PLCL2: variants seen among roughly 807,000 people sequenced by gnomAD.
The protein encoded by PLCL2 is inactive phospholipase C-like protein 2.
Under a neutral mutation model 79.6 loss-of-function variants are expected in PLCL2, and 4 were observed. The observed-to-expected ratio is 0.05, with a 90% confidence interval of 0.02 to 0.11. The LOEUF (loss-of-function observed/expected upper bound fraction) is 0.11, where lower values mean the gene tolerates loss of function less well. PLCL2 is among the 10% of genes least tolerant of loss of function. The pLI is 1.00. For synonymous variants in PLCL2, 484 were observed against 457.7 expected (o/e 1.06, Z -0.73); for missense variants, 895 against 1,291.0 (o/e 0.69, Z 4.70).
At chr3:16,938,263 A>G (rs17042909) in intron 1 of PLCL2, among the ~76,000 whole-genome samples, 28,483 of 152,178 alleles carry the variant, frequency 0.19, 3,113 homozygotes, top group East Asian at 0.53. Context: ...GTGTGTAAAT[A>G]CCTTGTAATG....
chr3:16,956,511 C>T (rs977190883), intron 1 of PLCL2, among the ~76,000 whole-genome samples: 1 of 152,096 alleles, frequency 6.6e-6, no homozygotes, highest in African/African-American at 2.4e-5. Context: ...GTGTCTCTGC[C>T]AGGCTTTGGT....
intron 1 of PLCL2, among the ~76,000 whole-genome samples, chr3:16,995,074 T>C (rs2064140297): frequency 6.6e-6 from 1 of 152,166 alleles, no homozygotes; most frequent in Non-Finnish European, 1.5e-5. Context: ...GGTCACATTG[T>C]CCTCCCCACA....
At chr3:17,042,757 T>C in intron 3 of PLCL2, 117 bp from the exon 4 acceptor site, 1 of 698,118 alleles carries the variant, frequency 1.4e-6, no homozygotes, top group Non-Finnish European at 2.6e-6. Flanking sequence ...GAAAGTCAGA[T>C]AAAAAAGCGT....
chr3:16,904,751 G>A (rs1696712783), intron 1 of PLCL2, among the ~76,000 whole-genome samples: 1 of 151,862 alleles, frequency 6.6e-6, no homozygotes, highest in African/African-American at 2.4e-5. Context: ...GAATCATGGG[G>A]GCGGTTACCT....
intron 4 of PLCL2, among the ~76,000 whole-genome samples, chr3:17,043,768 T>C (rs1267418878): frequency 6.6e-6 from 1 of 152,188 alleles, no homozygotes; most frequent in African/African-American, 2.4e-5. Context: ...GATAAGGATA[T>C]GTGTGACATT....
chr3:16,984,116 T>G lies in PLCL2; in HGVS notation c.328-25558T>G, dbSNP rs544955113. Among the ~76,000 whole-genome samples the G allele has an allele frequency of 5.1e-4, 77 of 151,732 alleles. 2 individuals are homozygous for G. Among genetic ancestry groups the G allele is most frequent in the African/African-American group, 1.8e-3 (76 of 41,104 alleles). On this transcript the variant is annotated intron_variant, in intron 1 of 5. Coordinates refer to ENST00000615277, the MANE Select transcript of PLCL2 (RefSeq NM_001144382.2). ...TGGTTCATGAACGCGTGGAGGGTATTTCTTTACTAATATGCAAAGCTTAAA... is the reference window on the plus strand; with the variant it reads ...TGGTTCATGAACGCGTGGAGGGTATGTCTTTACTAATATGCAAAGCTTAAA...
intron 1 of PLCL2, among the ~76,000 whole-genome samples, chr3:16,940,229 A>G (rs188212912): frequency 6.6e-6 from 1 of 152,300 alleles, no homozygotes; most frequent in East Asian, 1.9e-4. Context: ...CTTCTTCAAA[A>G]AACTTTCACT....
intron 3 of PLCL2, among the ~76,000 whole-genome samples, chr3:17,023,375 CTTGAA>C (rs2064477245): frequency 6.6e-6 from 1 of 152,194 alleles, no homozygotes; most frequent in African/African-American, 2.4e-5. Flanking sequence ...CAAATCTCAA[CTTGAA>C]TTGTATCTCC....
At chr3:16,911,476 T>C (rs1425452814) in intron 1 of PLCL2, among the ~76,000 whole-genome samples, 2 of 152,192 alleles carry the variant, frequency 1.3e-5, no homozygotes, top group Non-Finnish European at 2.9e-5. Flanking sequence ...TTTACTTAGT[T>C]TGTCTCCCTA....
chr3:16,945,203 C>T (rs2063588982), intron 1 of PLCL2, among the ~76,000 whole-genome samples: 1 of 151,538 alleles, frequency 6.6e-6, no homozygotes, highest in Non-Finnish European at 1.5e-5. Context: ...CAAGGCTTTA[C>T]CCTATCACCT....
At chr3:16,946,953 CT>C (rs1056023349) in intron 1 of PLCL2, among the ~76,000 whole-genome samples, 40 of 95,402 alleles carry the variant, frequency 4.2e-4, no homozygotes, top group South Asian at 1.1e-3. Context: ...AAGTTTCATT[CT>C]TTTTTTTTTT....
chr3:16,968,037 T>A lies in PLCL2; in HGVS notation c.328-41637T>A, dbSNP rs1352226537. Among the ~76,000 whole-genome samples, 12 of 152,202 alleles carry A rather than the reference T, an allele frequency of 7.9e-5. No individual in the cohort carries two copies. The East Asian group carries it at 2.3e-3, about 29-fold the overall frequency. On this transcript the variant is annotated intron_variant, in intron 1 of 5. Coordinates refer to ENST00000615277, the MANE Select transcript of PLCL2 (RefSeq NM_001144382.2). The stretch of plus-strand genomic sequence containing the variant: ...AATAGGGAGTCCTTTCCCTATTGCT[T>A]GTTTTTGTCTACTTTGTTGGAGATC...
intron 1 of PLCL2, among the ~76,000 whole-genome samples, chr3:16,913,317 C>G (rs1021090353): frequency 1.3e-5 from 2 of 151,676 alleles, no homozygotes; most frequent in African/African-American, 4.8e-5. Context: ...AGGGACTTTT[C>G]TTACCCATTC....
chr3:16,953,712 A>G (rs1369976753), intron 1 of PLCL2, among the ~76,000 whole-genome samples: 2 of 152,292 alleles, frequency 1.3e-5, no homozygotes, highest in East Asian at 3.9e-4. Flanking sequence ...TGAGAAAGGA[A>G]TTAGATGGGT....
chr3:16,975,006 C>T (rs966389989), intron 1 of PLCL2, among the ~76,000 whole-genome samples: 3 of 152,122 alleles, frequency 2.0e-5, no homozygotes, highest in African/African-American at 4.8e-5. Context: ...CAGTTACAGG[C>T]TTCTAAGGTG....
intron 3 of PLCL2, among the ~76,000 whole-genome samples, chr3:17,026,221 G>A (rs2064515900): frequency 6.6e-6 from 1 of 152,132 alleles, no homozygotes; most frequent in Admixed American, 6.5e-5. Context: ...TTAAAATTCT[G>A]AGCCATAAGA....
chr3:16,899,806 T>C (rs1233781099), intron 1 of PLCL2, among the ~76,000 whole-genome samples: 1 of 151,992 alleles, frequency 6.6e-6, no homozygotes, highest in African/African-American at 2.4e-5. Context: ...GAAAATTTGC[T>C]AATAAATCCA....
chr3:16,930,065 T>C (rs1324260390), intron 1 of PLCL2, among the ~76,000 whole-genome samples: 1 of 152,220 alleles, frequency 6.6e-6, no homozygotes, highest in Non-Finnish European at 1.5e-5. Flanking sequence ...AGTGGTATTG[T>C]GCAGCCAGAA....
At chr3:17,003,711 G>A (rs1441678145) in intron 1 of PLCL2, among the ~76,000 whole-genome samples, 2 of 152,142 alleles carry the variant, frequency 1.3e-5, no homozygotes, top group Admixed American at 1.3e-4. Flanking sequence ...AATTTGGGCA[G>A]GTGATAGTTT....
Sources: allele counts gnomAD v4.1 joint callset (sites outside exome capture counted in the v4.1 genomes callset), GRCh38; gene constraint gnomAD v4.1.1; transcripts MANE v1.5; gene names NCBI Gene and HGNC (gene_info 2026-07-23, HGNC 2026-07-21).